ZNF454: variants seen among roughly 807,000 people sequenced by gnomAD.
The protein encoded by ZNF454 is zinc finger protein 454.
ZNF454 carries 30 observed loss-of-function variants against 48.2 expected under a neutral mutation model. The ratio of observed to expected loss-of-function variants is 0.62; its 90% CI spans 0.47 to 0.84. The LOEUF (loss-of-function observed/expected upper bound fraction) is 0.84, where lower values mean the gene tolerates loss of function less well. ZNF454 is among the 40% of genes least tolerant of loss of function. The pLI, the probability that ZNF454 is intolerant of heterozygous loss-of-function variation, is 0.00. For missense variants in ZNF454, 510 were observed against 623.1 expected (o/e 0.82, Z 1.93); for synonymous variants, 204 against 211.4 (o/e 0.97, Z 0.30).
At position 178,946,373 on chromosome 5, in the gene ZNF454, C is replaced by T. The variant is rs1296881858; in HGVS notation, c.48C>T (p.Phe16=). 3 of 1,612,130 alleles carry T rather than the reference C, an allele frequency of 1.9e-6. No homozygotes were observed. Among genetic ancestry groups the T allele is most frequent in the Non-Finnish European group, 2.5e-6 (3 of 1,179,146 alleles). The change falls in exon 3 of 5, where the codon TTC becomes TTT. Residue 16 remains phenylalanine (F), a synonymous_variant. Transcript: ENST00000519564. This position sits in a 1 kb window ranked among gnomAD's most constrained non-coding sequence, Gnocchi z 4.5. ...TGCTGTTGCAGGAATCGGTGACCTT[C>T]AAGGATGTGGCTATACTGTTCACCC... The part of the protein sequence containing the change: ...LPTMVQESVT[F]KDVAILFTQE...
the ZNF454 span, among the ~76,000 whole-genome samples, chr5:178,977,786 T>C: frequency 1.3e-5 from 2 of 152,156 alleles, no homozygotes; most frequent in East Asian, 1.9e-4. Context: ...TGTTTCGCCA[T>C]GTTGGCCAGG....
the ZNF454 span, chr5:178,988,944 G>C: frequency 1.2e-6 from 2 of 1,612,464 alleles, no homozygotes; most frequent in Non-Finnish European, 1.7e-6. The surrounding 1 kb of genome is among the most constrained non-coding windows in gnomAD (Gnocchi z 6.0). Flanking sequence ...CCATTGAAGC[G>C]GACAGCTCGA....
At position 178,946,129 on chromosome 5, in the gene ZNF454, A is replaced by C. The variant is rs1759321451; in HGVS notation, c.34-230A>C. On this transcript the variant is annotated intron_variant, in intron 2 of 4. Coordinates refer to ENST00000519564, the MANE Select transcript of ZNF454 (RefSeq NM_001178089.3). This position sits in a 1 kb window ranked among gnomAD's most constrained non-coding sequence, Gnocchi z 4.5. The stretch of plus-strand genomic sequence containing the variant: ...AAGTTGGAAGTCCCAGTGCTGAGAA[A>C]GCCTATCTTCGCCACCATATATGTT... Among the ~76,000 whole-genome samples the C allele has an allele frequency of 6.6e-6, 1 of 152,080 alleles. No individual in the cohort carries two copies. Among genetic ancestry groups the C allele is most frequent in the African/African-American group, 2.4e-5 (1 of 41,390 alleles).
chr5:178,968,980 G>C (rs999740957), downstream of ZNF454: 9 of 404,744 alleles, frequency 2.2e-5, no homozygotes, highest in African/African-American at 1.7e-4. Context: ...CATCAGGCTT[G>C]GGTTTTCATG....
At chr5:178,986,998 C>T in the ZNF454 span, 253 of 1,611,592 alleles carry the variant, frequency 1.6e-4, 3 homozygotes, top group East Asian at 5.0e-3. Context: ...AGAGAGAGTC[C>T]GTCATCCTCG....
chr5:178,948,769 T>C (rs886234590), intron 4 of ZNF454, among the ~76,000 whole-genome samples: 1 of 151,562 alleles, frequency 6.6e-6, no homozygotes, highest in African/African-American at 2.4e-5. Context: ...CCTATTAAAA[T>C]TTTATATGTA....
At chr5:178,983,581 A>C in the ZNF454 span, 19,251 of 433,806 alleles carry the variant, frequency 0.044, 690 homozygotes, top group East Asian at 0.14. Flanking sequence ...AGGTAGATGG[A>C]TGTGGCCGGA....
At chr5:178,989,062 G>T in the ZNF454 span, 2 of 1,613,508 alleles carry the variant, frequency 1.2e-6, no homozygotes, top group Non-Finnish European at 1.7e-6. Context: ...GGGCAATGGC[G>T]TACACCGCAT....
rs768020922 is a variant in ZNF454 at position 178,966,214 on chromosome 5, C to A, written c.*241C>A. On this transcript the variant is annotated 3_prime_UTR_variant, in exon 5 of 5. Transcript: ENST00000519564. The stretch of plus-strand genomic sequence containing the variant: ...CTTTGGGAGGCCGAGGTGGGCGGAT[C>A]ACGAGGTCAGGAGATCGAGACCATC... 1 of 364,272 alleles carries A rather than the reference C, an allele frequency of 2.7e-6. No individual in the cohort carries two copies. The highest frequency in any genetic ancestry group is 4.9e-6 in the Non-Finnish European group (1 of 203,058). The allele number at this position is 364,272 out of a possible 1,614,324, so 22.6% of individuals were successfully genotyped here.
downstream of ZNF454, chr5:178,969,758 A>G (rs565373490): frequency 2.4e-6 from 1 of 420,130 alleles, no homozygotes; most frequent in African/African-American, 2.0e-5. Context: ...GACCCATCAC[A>G]GTGCCAGCTC....
At position 178,942,757 on chromosome 5, in the gene ZNF454, G is replaced by C; in HGVS notation, c.-35G>C. On this transcript the variant is annotated 5_prime_UTR_variant, in exon 2 of 5. Coordinates refer to ENST00000519564, the MANE Select transcript of ZNF454 (RefSeq NM_001178089.3). The stretch of plus-strand genomic sequence containing the variant: ...TCCACACCTGCCTCCATAGCACTTT[G>C]CCTGTCCCTAAGAGGGCTCATCGGA... The C allele has an allele frequency of 6.2e-7, 1 of 1,613,852 alleles. No individual in the cohort carries two copies. Among genetic ancestry groups the C allele is most frequent in the South Asian group, 1.1e-5 (1 of 91,054 alleles).
the ZNF454 span, chr5:178,989,202 C>CCCCTCACCACCCTCCCCA: frequency 2.4e-5 from 31 of 1,317,580 alleles, no homozygotes; most frequent in Non-Finnish European, 2.3e-5. Flanking sequence ...TCCCGCCTTC[C>CCCCTCACCACCCTCCCCA]CCCTCCCCAC....
At chr5:178,947,047 AG>A in intron 4 of ZNF454, 61 bp downstream of exon 4, 1 of 1,390,816 alleles carries the variant, frequency 7.2e-7, no homozygotes, top group African/African-American at 1.4e-5. Flanking sequence ...AAGGCTCCGT[AG>A]GGAAGGCAGG....
At chr5:178,974,083 A>G in the ZNF454 span, among the ~76,000 whole-genome samples, 1 of 152,166 alleles carries the variant, frequency 6.6e-6, no homozygotes, top group Non-Finnish European at 1.5e-5. Flanking sequence ...ACAAGAGTCT[A>G]TGGCAGGAAA....
At chr5:178,979,388 GACA>G in the ZNF454 span, 2 of 152,204 alleles carry the variant, frequency 1.3e-5, no homozygotes, top group African/African-American at 4.8e-5. Context: ...TACTAAATAT[GACA>G]ACATCTTCAG....
chr5:178,987,338 G>T, the ZNF454 span: 1 of 487,534 alleles, frequency 2.1e-6, no homozygotes, highest in South Asian at 1.5e-5. Flanking sequence ...AGAAAGCAGG[G>T]TGGCAAGAAA....
chr5:178,970,874 T>C (rs1217933285), downstream of ZNF454, among the ~76,000 whole-genome samples: 1 of 152,190 alleles, frequency 6.6e-6, no homozygotes, highest in Non-Finnish European at 1.5e-5. Flanking sequence ...GCATTCCAAG[T>C]GTTTCTCTCT....
Position 178,941,509 on chromosome 5 carries a change from C to G in ZNF454, c.-108+65C>G. On this transcript the variant is annotated intron_variant, in intron 1 of 4. Coordinates refer to ENST00000519564, the MANE Select transcript of ZNF454 (RefSeq NM_001178089.3). This position sits in a 1 kb window ranked among gnomAD's most constrained non-coding sequence, Gnocchi z 5.5. ...GGGGTGGTCATCCTGGGCTGAGGGT[C>G]GAGTCTGTGAGTGCCTGTGGAGGAG... The G allele has an allele frequency of 2.2e-6, 1 of 456,534 alleles. No homozygotes were observed. Among genetic ancestry groups the G allele is most frequent in the Admixed American group, 2.3e-5 (1 of 42,576 alleles). 28.3% of individuals were successfully genotyped at this position (456,534 alleles called of 1,614,324 possible).
the ZNF454 span, among the ~76,000 whole-genome samples, chr5:178,973,659 C>G: frequency 2.0e-5 from 3 of 152,002 alleles, no homozygotes; most frequent in Admixed American, 2.0e-4. Context: ...CTGGCTAACA[C>G]GGTGAAACCC....
Sources: allele counts gnomAD v4.1 joint callset (sites outside exome capture counted in the v4.1 genomes callset), GRCh38; gene constraint gnomAD v4.1.1; non-coding constraint Gnocchi (gnomAD v3.1); transcripts MANE v1.5; gene names NCBI Gene and HGNC (gene_info 2026-07-23, HGNC 2026-07-21).